SYNE2: variants seen among roughly 807,000 people sequenced by gnomAD.
SYNE2 encodes the protein nesprin-2.
In SYNE2, 431 loss-of-function variants were observed where a neutral mutation model predicts 856.3. That is an observed-to-expected ratio of 0.50 (90% confidence interval 0.47 to 0.55). SYNE2 has a LOEUF of 0.55. SYNE2 is among the 20% of genes least tolerant of loss of function. SYNE2 has a pLI of 0.00. For synonymous variants in SYNE2, 2,923 were observed against 2,872.3 expected, an observed-to-expected ratio of 1.02 and a Z score of -0.56; for missense variants, 8,129 against 8,023.2, an observed-to-expected ratio of 1.01 and a Z score of -0.50.
intron 66 of SYNE2, among the ~76,000 whole-genome samples, chr14:64,118,793 G>A (rs1183112078): frequency 8.7e-5 from 13 of 149,484 alleles, no homozygotes; most frequent in Admixed American, 4.7e-4. Flanking sequence ...CCTGGGAGGT[G>A]GAGGTTGCAG....
rs564454573 is a variant in SYNE2 at position 64,031,081 on chromosome 14, C to T, written c.6945C>T (p.Ser2315=). ...AGAAGATTTTAGCTTTAGCAAAATC[C>T]GTCAAGCAAAATACATCTTCAGTGG... ...TLKKILALAK[S]VKQNTSSVGQ... Residue 2315 remains serine (S), a synonymous_variant, in exon 45 of 116, where the codon TCC becomes TCT. Coordinates refer to ENST00000555002, the MANE Select transcript of SYNE2 (RefSeq NM_182914.3). 2.1e-5 allele frequency: 34 copies of T among 1,613,880 alleles called. No individual in the cohort carries two copies. The highest frequency in any genetic ancestry group is 2.2e-5 in the Non-Finnish European group (26 of 1,179,962).
Position 63,955,641 on chromosome 14 carries a change from G to C in SYNE2, c.787+726G>C, listed in dbSNP as rs185440387. 1.7e-3 allele frequency among the ~76,000 whole-genome samples: 263 copies of C among 152,090 alleles called. 1 individual carries two copies. The highest frequency in any genetic ancestry group is 6.0e-3 in the African/African-American group (250 of 41,496). On this transcript the variant is annotated intron_variant, in intron 8 of 115. Transcript: ENST00000555002. ...ATTCTAGTCTCAGCTCTATTACTGG[G>C]GTGTGTATACAAATGTTTAGTGACT...
intron 1 of SYNE2, among the ~76,000 whole-genome samples, chr14:63,834,789 C>A (rs371081508): frequency 6.6e-6 from 1 of 151,704 alleles, no homozygotes. Flanking sequence ...TACAGGCACA[C>A]GTCATCACAC....
chr14:64,215,513 A>C, intron 107 of SYNE2, 159 bp downstream of exon 107: 1 of 778,298 alleles, frequency 1.3e-6, no homozygotes, highest in Non-Finnish European at 2.2e-6. Flanking sequence ...ACTCACCCAT[A>C]ACTGCGTGCT....
intron 20 of SYNE2, 129 bp downstream of exon 20, chr14:63,990,698 G>T: frequency 3.4e-6 from 3 of 887,394 alleles, no homozygotes; most frequent in South Asian, 1.5e-5. Context: ...TTTGCATTAT[G>T]TTTTATTTCT....
intron 99 of SYNE2, 48 bp from the exon 100 acceptor site, chr14:64,202,753 T>C (rs748962429): frequency 1.2e-6 from 2 of 1,613,170 alleles, no homozygotes; most frequent in East Asian, 4.5e-5. Context: ...TTGTTTTCCA[T>C]CACTGGTTTT....
rs77994841 is a variant in SYNE2, at chr14:64,100,834, C to T, written c.12382-1098C>T. 1.5e-4 allele frequency among the ~76,000 whole-genome samples: 23 copies of T among 150,556 alleles called. No individual in the cohort carries two copies. In the East Asian group the frequency reaches 4.3e-3, roughly 28 times the overall value. On this transcript the variant is annotated intron_variant, in intron 63 of 115. Coordinates refer to ENST00000555002, the MANE Select transcript of SYNE2 (RefSeq NM_182914.3). ...TTTTGTAATCCCTGGTCGCTGGTAACCATTGTTTTATTTTCTGCTTCTATG... is the reference window on the plus strand; with the variant it reads ...TTTTGTAATCCCTGGTCGCTGGTAATCATTGTTTTATTTTCTGCTTCTATG...
chr14:64,142,059 C>G lies in SYNE2; in HGVS notation c.15277C>G (p.Gln5093Glu), dbSNP rs768467644. ...DSVHSPSSASQVKHLLQKHKE... is the reference protein window; with the variant it reads ...DSVHSPSSASEVKHLLQKHKE... ...CGTGCATTCACCAAGTTCTGCATCT[C>G]AAGTTAAACATCTTCTTCAGAAGCA... is the stretch of plus-strand genomic sequence containing the variant. The change falls in exon 82 of 116, where the codon CAA becomes GAA. Residue 5093 changes from glutamine to glutamate, a missense_variant. By Grantham distance (29) the Gln-to-Glu change is conservative. Transcript: ENST00000555002. The G allele has an allele frequency of 1.2e-6, 2 of 1,614,092 alleles. No homozygotes were observed. The highest frequency in any genetic ancestry group is 3.3e-5 in the Admixed American group (2 of 60,024).
At chr14:63,775,467 G>T (rs1256489043) in intron 1 of SYNE2, among the ~76,000 whole-genome samples, 3 of 151,938 alleles carry the variant, frequency 2.0e-5, no homozygotes, top group Admixed American at 6.6e-5. Flanking sequence ...GTAGAGACTG[G>T]GTTTTGCCAT....
intron 46 of SYNE2, 90 bp from the exon 47 acceptor site, chr14:64,049,521 A>G: frequency 1.5e-6 from 2 of 1,325,984 alleles, no homozygotes; most frequent in South Asian, 2.5e-5. Flanking sequence ...CCTGAGATAG[A>G]GTGTGTTATC....
In SYNE2 at chr14:64,132,457, C is replaced by T. The variant is rs763595388; in HGVS notation, c.14514+19C>T. The T allele has an allele frequency of 9.2e-5, 148 of 1,613,922 alleles. No homozygotes were observed. The highest frequency in any genetic ancestry group is 1.2e-4 in the African/African-American group (9 of 74,910). ...GTTGCAGGTATTTGGGTTATGTAAA[C>T]GTTGTACTGAAGCTGGGAATTGCTG... On this transcript the variant is annotated intron_variant, in intron 77 of 115. Transcript: ENST00000555002.
At chr14:64,146,976 G>A (rs2098192931) in intron 84 of SYNE2, among the ~76,000 whole-genome samples, 2 of 152,320 alleles carry the variant, frequency 1.3e-5, no homozygotes, top group South Asian at 4.1e-4. Context: ...ACCACCGTAA[G>A]CGGCCCTTTT....
At chr14:63,989,975 C>T (rs1376939355) in intron 19 of SYNE2, among the ~76,000 whole-genome samples, 1 of 152,118 alleles carries the variant, frequency 6.6e-6, no homozygotes, top group Admixed American at 6.6e-5. Context: ...TGGATAATGT[C>T]TTCTTTTTGT....
chr14:63,955,873 G>T (rs918715174), intron 8 of SYNE2, among the ~76,000 whole-genome samples: 2 of 152,178 alleles, frequency 1.3e-5, no homozygotes, highest in African/African-American at 4.8e-5. Context: ...TGCTGAAGAA[G>T]TATAGTTCTG....
At chr14:64,167,101 T>G (rs940014706) in intron 90 of SYNE2, 132 bp from the exon 91 acceptor site, 1 of 1,094,344 alleles carries the variant, frequency 9.1e-7, no homozygotes. Flanking sequence ...ATTAGCAAGC[T>G]GTTTGACTGT....
intron 83 of SYNE2, among the ~76,000 whole-genome samples, chr14:64,144,349 T>G (rs1378270063): frequency 1.3e-5 from 2 of 152,214 alleles, no homozygotes; most frequent in Non-Finnish European, 2.9e-5. Context: ...TGGTAGATTT[T>G]TCACTCCATG....
Position 64,091,830 on chromosome 14 carries a change from C to G in SYNE2, c.11976+782C>G, listed in dbSNP as rs1267970225. 2.6e-5 allele frequency among the ~76,000 whole-genome samples: 4 copies of G among 152,184 alleles called. No homozygotes were observed. The East Asian group carries it at 7.7e-4, about 29-fold the overall frequency. Reference sequence around the variant, plus strand: ...CGTCAACCTCCTGCATGCTGCCTTTCCTGATTAGATGGGTCACTGTAAGGG... The same window carrying G: ...CGTCAACCTCCTGCATGCTGCCTTTGCTGATTAGATGGGTCACTGTAAGGG... On this transcript the variant is annotated intron_variant, in intron 60 of 115. Coordinates refer to ENST00000555002, the MANE Select transcript of SYNE2 (RefSeq NM_182914.3).
intron 94 of SYNE2, chr14:64,173,946 C>T (rs1413503049): frequency 1.6e-5 from 11 of 698,100 alleles, no homozygotes; most frequent in African/African-American, 1.8e-5. Context: ...AAAAACAGGA[C>T]CTTCGCTACT....
chr14:63,832,873 A>AG lies in SYNE2; in HGVS notation c.-304-19628_-304-19627insG, dbSNP rs1177530616. ...GCGAGAACCTGTCTCTACCAAAAAA[A>AG]AAAAAAAAAAAAAAAAATTAGTCCG... On this transcript the variant is annotated intron_variant, in intron 1 of 23. Coordinates refer to the SYNE2 transcript ENST00000674003. 2.1e-5 allele frequency among the ~76,000 whole-genome samples: 3 copies of AG among 144,314 alleles called. No homozygotes were observed. In the South Asian group the frequency reaches 6.5e-4, roughly 31 times the overall value. The allele number at this position is 144,314 out of a possible 152,430, so 94.7% of individuals were successfully genotyped here.
Sources: gnomAD v4.1 joint callset for allele counts (sites outside exome capture counted in the v4.1 genomes callset) on GRCh38, gnomAD v4.1.1 for gene constraint, MANE v1.5 for transcripts, NCBI Gene and HGNC (gene_info 2026-07-23, HGNC 2026-07-21) for gene names.